Variants in UBE2W observed in about 807,000 individuals in gnomAD.
UBE2W encodes ubiquitin conjugating enzyme E2 W.
A neutral mutation model predicts 27.2 loss-of-function variants in UBE2W; 18 were observed. The observed-to-expected ratio is 0.66, with a 90% CI of 0.46 to 0.98. The LOEUF (loss-of-function observed/expected upper bound fraction) is 0.98. UBE2W is among the 50% of genes least tolerant of loss of function. UBE2W has a pLI of 0.00. For synonymous variants in UBE2W, 53 were observed against 57.2 expected (o/e 0.93, Z 0.33); for missense variants, 90 against 180.2 (o/e 0.50, Z 2.87).
rs1030018709 is a variant in UBE2W, at chr8:73,878,768, C to G, written c.15+40G>C. Reference sequence around the variant, plus strand: ...CGCCCGAACGCTGGCACTCTCTCGGCGGCTCCCTGGCCCGCCCAGATGCAG... The same window carrying G: ...CGCCCGAACGCTGGCACTCTCTCGGGGGCTCCCTGGCCCGCCCAGATGCAG... On this transcript the variant is annotated intron_variant, in intron 1 of 5. Coordinates refer to ENST00000602593, the MANE Select transcript of UBE2W (RefSeq NM_018299.6). The G allele has an allele frequency of 6.6e-6, 10 of 1,515,202 alleles. No homozygotes were observed. In the African/African-American group the frequency reaches 6.9e-5, roughly 11 times the overall value. 93.9% of individuals were successfully genotyped at this position (1,515,202 alleles called of 1,614,324 possible).
chr8:73,842,345 T>C (rs1342148146), intron 1 of UBE2W, among the ~76,000 whole-genome samples: 2 of 151,430 alleles, frequency 1.3e-5, no homozygotes, highest in East Asian at 1.9e-4. Context: ...TGGCTTAACA[T>C]GGTGAAACCC....
At chr8:73,857,608 G>C (rs977300795) in intron 1 of UBE2W, among the ~76,000 whole-genome samples, 9 of 151,944 alleles carry the variant, frequency 5.9e-5, no homozygotes, top group Admixed American at 5.9e-4. Context: ...ACAAGGTCAG[G>C]AGTTCGAGAC....
In UBE2W at chr8:73,788,947, ATATTT is replaced by A; in HGVS notation, c.*5150_*5154del. On this transcript the variant is annotated 3_prime_UTR_variant, in exon 6 of 6. Coordinates refer to ENST00000602593, the MANE Select transcript of UBE2W (RefSeq NM_018299.6). ...TTCCACATACTCAAAATACCCTCAG[ATATTT>A]TATTAACAAAAAATTTTTCATAAAA... 4.1e-6 allele frequency: 4 copies of A among 983,516 alleles called. No individual in the cohort carries two copies. Among genetic ancestry groups the A allele is most frequent in the Non-Finnish European group, 4.8e-6 (4 of 828,234 alleles). The allele number at this position is 983,516 out of a possible 1,614,324, so 60.9% of individuals were successfully genotyped here. A position where few individuals can be genotyped will look rare whatever the true frequency, so the allele number is the denominator to read the frequency against.
chr8:73,859,683 A>G (rs997317717), intron 1 of UBE2W, among the ~76,000 whole-genome samples: 5 of 152,152 alleles, frequency 3.3e-5, no homozygotes, highest in African/African-American at 7.2e-5. Flanking sequence ...TGGGAAGTAA[A>G]GTTATATACG....
At chr8:73,842,900 C>T (rs1320459186) in intron 1 of UBE2W, among the ~76,000 whole-genome samples, 1 of 152,120 alleles carries the variant, frequency 6.6e-6, no homozygotes, top group Non-Finnish European at 1.5e-5. Context: ...TTCATAGCAG[C>T]ATTATTCATA....
intron 1 of UBE2W, among the ~76,000 whole-genome samples, chr8:73,869,695 GA>G (rs34929440): frequency 1.0e-4 from 15 of 148,442 alleles, no homozygotes; most frequent in South Asian, 4.3e-4. Context: ...TTGTCTCAGG[GA>G]AAAAAAAAAC....
intron 3 of UBE2W, among the ~76,000 whole-genome samples, chr8:73,819,235 C>T (rs1002441725): frequency 2.6e-5 from 4 of 152,178 alleles, no homozygotes; most frequent in Non-Finnish European, 5.9e-5. Context: ...TTTTCCCTCA[C>T]CATCTTCCAT....
intron 1 of UBE2W, among the ~76,000 whole-genome samples, chr8:73,842,390 G>C (rs570257799): frequency 6.6e-6 from 1 of 151,640 alleles, no homozygotes; most frequent in Non-Finnish European, 1.5e-5. Flanking sequence ...TGAGCCGGGC[G>C]TGGTGGCGGG....
At chr8:73,797,590 A>C (rs1808475449) in intron 5 of UBE2W, among the ~76,000 whole-genome samples, 1 of 152,250 alleles carries the variant, frequency 6.6e-6, no homozygotes, top group Non-Finnish European at 1.5e-5. Flanking sequence ...ATGGACAGCA[A>C]CTATACAGCA....
intron 1 of UBE2W, among the ~76,000 whole-genome samples, chr8:73,846,334 C>T (rs991075097): frequency 6.6e-6 from 1 of 151,842 alleles, no homozygotes; most frequent in African/African-American, 2.4e-5. Flanking sequence ...AGGCAGAGGT[C>T]GCAGTGAGTC....
At chr8:73,859,374 C>T (rs369257320) in intron 1 of UBE2W, among the ~76,000 whole-genome samples, 174 of 152,196 alleles carry the variant, frequency 1.1e-3, no homozygotes, top group African/African-American at 3.7e-3. Flanking sequence ...GGCATGGTGG[C>T]GCGAGCCTGT....
chr8:73,818,440 T>G (rs1251588115), intron 3 of UBE2W, among the ~76,000 whole-genome samples: 1 of 152,216 alleles, frequency 6.6e-6, no homozygotes, highest in Non-Finnish European at 1.5e-5. Flanking sequence ...CTGTTCCTTT[T>G]AACTTTAAAT....
intron 3 of UBE2W, among the ~76,000 whole-genome samples, chr8:73,820,061 A>C (rs1563590684): frequency 6.6e-6 from 1 of 152,156 alleles, no homozygotes; most frequent in African/African-American, 2.4e-5. Context: ...TTGGCCTCTC[A>C]AAGTGCTTGG....
chr8:73,790,254 TG>T lies in UBE2W; in HGVS notation c.*3847del. The T allele has an allele frequency of 1.0e-6, 1 of 984,286 alleles. No homozygotes were observed. Among genetic ancestry groups the T allele is most frequent in the Non-Finnish European group, 1.2e-6 (1 of 829,726 alleles). The allele number at this position is 984,286 out of a possible 1,614,324, so 61.0% of individuals were successfully genotyped here. Reference sequence around the variant, plus strand: ...GGAAGACTGACACATTGGACATCAGTGGGAAGAGGCAGAAAAATAGGAAGAA... The same window carrying T: ...GGAAGACTGACACATTGGACATCAGTGGAAGAGGCAGAAAAATAGGAAGAA... On this transcript the variant is annotated 3_prime_UTR_variant, in exon 6 of 6. Coordinates refer to ENST00000602593, the MANE Select transcript of UBE2W (RefSeq NM_018299.6).
At chr8:73,812,395 A>G (rs1408435464) in intron 3 of UBE2W, among the ~76,000 whole-genome samples, 1 of 151,870 alleles carries the variant, frequency 6.6e-6, no homozygotes, top group African/African-American at 2.4e-5. Context: ...TACCCTCTTC[A>G]TTACTTTTTG....
chr8:73,805,204 A>G (rs1808824810), intron 5 of UBE2W, among the ~76,000 whole-genome samples: 1 of 151,160 alleles, frequency 6.6e-6, no homozygotes, highest in Non-Finnish European at 1.5e-5. Flanking sequence ...CTGTAATCCC[A>G]GAACTTTGGG....
At chr8:73,824,538 G>A (rs1330214072) in intron 3 of UBE2W, among the ~76,000 whole-genome samples, 4 of 152,130 alleles carry the variant, frequency 2.6e-5, no homozygotes, top group South Asian at 2.1e-4. Flanking sequence ...CAACTTCTCC[G>A]ATGGCCTAGA....
At chr8:73,819,282 C>A (rs189587146) in intron 3 of UBE2W, among the ~76,000 whole-genome samples, 4 of 152,166 alleles carry the variant, frequency 2.6e-5, no homozygotes, top group African/African-American at 9.7e-5. Flanking sequence ...CTGTCTCTCC[C>A]CACAAGAATG....
chr8:73,848,193 A>AAAAT (rs1348202589), intron 1 of UBE2W, among the ~76,000 whole-genome samples: 1 of 150,808 alleles, frequency 6.6e-6, no homozygotes, highest in Non-Finnish European at 1.5e-5. Flanking sequence ...ACTGTGTCTC[A>AAAAT]AAATAAATAA....
Sources: gnomAD v4.1 joint callset for allele counts (sites outside exome capture counted in the v4.1 genomes callset) on GRCh38, gnomAD v4.1.1 for gene constraint, MANE v1.5 for transcripts, NCBI Gene and HGNC (gene_info 2026-07-23, HGNC 2026-07-21) for gene names.